SCAF4: variants seen among roughly 807,000 people sequenced by gnomAD.
The protein encoded by SCAF4 is SR-related and CTD-associated factor 4.
A neutral mutation model predicts 129.8 loss-of-function variants in SCAF4; 25 were observed. That is an observed-to-expected ratio of 0.19 (90% CI 0.14 to 0.27). The LOEUF (loss-of-function observed/expected upper bound fraction) is 0.27. Ranked by LOEUF, SCAF4 falls within the 10% of genes least tolerant of loss-of-function variation. The probability of loss-of-function intolerance (pLI) is 1.00; values close to 1 mark genes in which losing one functional copy is unlikely to be tolerated. For missense variants in SCAF4, 1,246 were observed against 1,457.1 expected (o/e 0.86, Z 2.36); for synonymous variants, 551 against 497.7 (o/e 1.11, Z -1.43).
intron 7 of SCAF4, among the ~76,000 whole-genome samples, chr21:31,699,070 A>C (rs2050456152): frequency 6.6e-6 from 1 of 152,210 alleles, no homozygotes; most frequent in Non-Finnish European, 1.5e-5. Flanking sequence ...ACGGGATACC[A>C]GGAAATGAAA....
At chr21:31,684,825 C>A in intron 19 of SCAF4, 1 of 528,646 alleles carries the variant, frequency 1.9e-6, no homozygotes, top group Non-Finnish European at 3.4e-6. Context: ...ATGATTTTGT[C>A]TTTGAGATTC....
chr21:31,700,410 G>C lies in SCAF4; in HGVS notation c.777+585C>G, dbSNP rs146099577. The stretch of plus-strand genomic sequence containing the variant: ...TGTGAGCCACCACACTTGGCTGTCA[G>C]GTTTTTTTAACAGCAAAAAACTGAA... On this transcript the variant is annotated intron_variant, in intron 7 of 19. Coordinates refer to ENST00000286835, the MANE Select transcript of SCAF4 (RefSeq NM_020706.2). Among the ~76,000 whole-genome samples, 735 of 151,864 alleles carry C rather than the reference G, an allele frequency of 4.8e-3. 7 individuals carry two copies. The highest frequency in any genetic ancestry group is 0.017 in the African/African-American group (693 of 41,428).
intron 8 of SCAF4, 26 bp from the exon 9 acceptor site, chr21:31,696,247 C>T: frequency 1.3e-6 from 2 of 1,561,914 alleles, no homozygotes; most frequent in East Asian, 2.2e-5. Context: ...TAATCTTTTA[C>T]CCATTCAAAA....
chr21:31,732,004 C>G lies in SCAF4; in HGVS notation c.-312G>C, dbSNP rs1330022249. On this transcript the variant is annotated 5_prime_UTR_variant, in exon 1 of 20. Transcript: ENST00000286835. Reference sequence around the variant, plus strand: ...TCTGCGTCTCGCTGACACGGCCCCCCGCGCCCTCACGCACTGGCTCACACT... The same window carrying G: ...TCTGCGTCTCGCTGACACGGCCCCCGGCGCCCTCACGCACTGGCTCACACT... 4 of 471,554 alleles carry G rather than the reference C, an allele frequency of 8.5e-6. No individual in the cohort carries two copies. The highest frequency in any genetic ancestry group is 1.5e-5 in the Non-Finnish European group (4 of 272,192). 29.2% of individuals were successfully genotyped at this position (471,554 alleles called of 1,614,324 possible).
At chr21:31,704,880 A>T (rs548122512) in intron 3 of SCAF4, among the ~76,000 whole-genome samples, 1 of 152,282 alleles carries the variant, frequency 6.6e-6, no homozygotes, top group East Asian at 1.9e-4. Flanking sequence ...AGGGCCATGG[A>T]TTAGAGACAT....
intron 19 of SCAF4, among the ~76,000 whole-genome samples, chr21:31,677,545 T>A (rs1351842215): frequency 6.6e-6 from 1 of 152,176 alleles, no homozygotes; most frequent in African/African-American, 2.4e-5. Context: ...TGAAAGCACT[T>A]TTCTCACAGT....
Position 31,685,491 on chromosome 21 carries a change from T to G in SCAF4, c.2210-7A>C, listed in dbSNP as rs541723538. On this transcript the variant is annotated splice_polypyrimidine_tract_variant and splice_region_variant and intron_variant, in intron 17 of 19. Coordinates refer to ENST00000286835, the MANE Select transcript of SCAF4 (RefSeq NM_020706.2). ...GGTCCAGGAGGCAGAAAACCTAGAA[T>G]AAGAAAAATAATGTCAACTTATGCT... The G allele has an allele frequency of 7.4e-6, 12 of 1,612,922 alleles. No individual in the cohort carries two copies. Among genetic ancestry groups the G allele is most frequent in the Non-Finnish European group, 1.0e-5 (12 of 1,179,412 alleles).
At chr21:31,706,596 T>C in intron 1 of SCAF4, 1 of 483,440 alleles carries the variant, frequency 2.1e-6, no homozygotes. Flanking sequence ...GGCGAAGGGG[T>C]AGTGAAATGA....
chr21:31,731,383 G>C (rs2051352596), intron 1 of SCAF4, among the ~76,000 whole-genome samples: 1 of 152,236 alleles, frequency 6.6e-6, no homozygotes, highest in Admixed American at 6.5e-5. Context: ...TAGAGGAACA[G>C]GCACAGACTT....
chr21:31,694,075 TATACAA>T (rs1601212625), intron 11 of SCAF4, 123 bp downstream of exon 11: 2 of 562,552 alleles, frequency 3.6e-6, no homozygotes, highest in Admixed American at 6.2e-5. Flanking sequence ...TCTACACACA[TATACAA>T]ATACAAACAT....
At chr21:31,700,843 A>C in intron 7 of SCAF4, 152 bp downstream of exon 7, 1 of 922,078 alleles carries the variant, frequency 1.1e-6, no homozygotes, top group African/African-American at 1.6e-5. Flanking sequence ...AAACCAGGGA[A>C]AATAATCGAT....
In SCAF4 at chr21:31,694,953, G is replaced by A; in HGVS notation, c.1096C>T (p.Pro366Ser). Residue 366 changes from proline (P) to serine (S), a missense_variant, in exon 10 of 20, where the codon CCA becomes TCA. Transcript: ENST00000286835. ...QVPLPPNGQMPGFGLLPTPPF... is the reference protein window; with the variant it reads ...QVPLPPNGQMSGFGLLPTPPF... ...GGTGTAGGAAGAAGTCCAAATCCTG[G>A]CATTTGTCCATTAGGAGGAAGTGGA... is the stretch of plus-strand genomic sequence containing the variant. The A allele has an allele frequency of 6.2e-7, 1 of 1,613,980 alleles. No homozygotes were observed. Among genetic ancestry groups the A allele is most frequent in the Non-Finnish European group, 8.5e-7 (1 of 1,179,886 alleles).
In SCAF4 at chr21:31,696,200, C is replaced by T. The variant is rs1179784774; in HGVS notation, c.981G>A (p.Met327Ile). The change falls in exon 9 of 20, where the codon ATG becomes ATA. Residue 327 changes from methionine to isoleucine, a missense_variant. By Grantham distance (10) the Met-to-Ile change is conservative. Coordinates refer to ENST00000286835, the MANE Select transcript of SCAF4 (RefSeq NM_020706.2). ...GATGCTGTGTGTATGCTGGCTGCTG[C>T]ATGCCATCTCCAGGAAAGCCACTAA... is the stretch of plus-strand genomic sequence containing the variant. ...QAPFGFPGDGMQQPAYTQHQN... is the reference protein window; with the variant it reads ...QAPFGFPGDGIQQPAYTQHQN... 6.2e-7 allele frequency: 1 copy of T among 1,613,740 alleles called. No individual in the cohort carries two copies. Among genetic ancestry groups the T allele is most frequent in the East Asian group, 2.2e-5 (1 of 44,874 alleles).
intron 1 of SCAF4, among the ~76,000 whole-genome samples, chr21:31,715,394 C>G (rs1381301357): frequency 2.6e-5 from 4 of 152,034 alleles, no homozygotes; most frequent in African/African-American, 9.7e-5. Context: ...CATCCCCAGT[C>G]TCTTTTGCCT....
In SCAF4 at chr21:31,671,837, T is replaced by C; in HGVS notation, c.3006A>G (p.Arg1002=). 1 of 1,614,176 alleles carries C rather than the reference T, an allele frequency of 6.2e-7. No individual in the cohort carries two copies. The highest frequency in any genetic ancestry group is 8.5e-7 in the Non-Finnish European group (1 of 1,180,024). Residue 1002 remains arginine (R), a synonymous_variant, in exon 20 of 20, where the codon AGA becomes AGG. Transcript: ENST00000286835. ...NSGRDQERFG[R]RSFGNRVEND... Reference sequence around the variant, plus strand: ...TTTCCACCCTATTTCCAAAAGATCTTCTTCCAAACCTTTCTTGGTCTCTAC... The same window carrying C: ...TTTCCACCCTATTTCCAAAAGATCTCCTTCCAAACCTTTCTTGGTCTCTAC...
intron 15 of SCAF4, 32 bp from the exon 16 acceptor site, chr21:31,688,496 T>C: frequency 1.3e-6 from 2 of 1,567,226 alleles, no homozygotes; most frequent in Non-Finnish European, 1.8e-6. Flanking sequence ...AACAAGAGTT[T>C]ACCATTTTCA....
At chr21:31,686,321 A>G (rs2050124350) in intron 16 of SCAF4, among the ~76,000 whole-genome samples, 1 of 152,092 alleles carries the variant, frequency 6.6e-6, no homozygotes, top group Non-Finnish European at 1.5e-5. Context: ...GTGTTCTGAC[A>G]TCATGTAATA....
At chr21:31,705,834 G>A (rs2050645633) in intron 2 of SCAF4, among the ~76,000 whole-genome samples, 1 of 152,118 alleles carries the variant, frequency 6.6e-6, no homozygotes. Flanking sequence ...TAACTTCATG[G>A]AGCTTGAATT....
In SCAF4 at chr21:31,671,528, A is replaced by C; in HGVS notation, c.3315T>G (p.Thr1105=). ...PPISQVGNVD[T]ASELEKGVSE... Reference sequence around the variant, plus strand: ...ACACCCCCTTCTCAAGTTCTGAAGCAGTGTCTACATTTCCCACTTGGCTAA... The same window carrying C: ...ACACCCCCTTCTCAAGTTCTGAAGCCGTGTCTACATTTCCCACTTGGCTAA... Residue 1105 remains threonine (T), a synonymous_variant, in exon 20 of 20, where the codon ACT becomes ACG. Transcript: ENST00000286835. 6.2e-7 allele frequency: 1 copy of C among 1,614,210 alleles called. No individual in the cohort carries two copies. The highest frequency in any genetic ancestry group is 8.5e-7 in the Non-Finnish European group (1 of 1,180,024).
Sources: gnomAD v4.1 joint callset for allele counts (sites outside exome capture counted in the v4.1 genomes callset) on GRCh38, gnomAD v4.1.1 for gene constraint, MANE v1.5 for transcripts, NCBI Gene and HGNC (gene_info 2026-07-23, HGNC 2026-07-21) for gene names.